Variants in SAXO1 observed in about 807,000 individuals in gnomAD.
SAXO1 encodes the protein stabilizer of axonemal microtubules 1.
A neutral mutation model predicts 17.5 loss-of-function variants in SAXO1; 21 were observed. That is an observed-to-expected ratio of 1.20 (90% CI 0.85 to 1.72). SAXO1 has a LOEUF of 1.72. SAXO1 is among the 40% of genes most tolerant of loss of function. SAXO1 has a pLI of 0.00. For synonymous variants in SAXO1, 274 were observed against 216.5 expected (o/e 1.27, Z -2.33); for missense variants, 843 against 596.0 (o/e 1.41, Z -4.32).
At chr9:18,982,665 A>G (rs930564635) in intron 1 of SAXO1, among the ~76,000 whole-genome samples, 2 of 152,198 alleles carry the variant, frequency 1.3e-5, no homozygotes, top group African/African-American at 4.8e-5. Flanking sequence ...TTAGTTTTTC[A>G]CTCAGATAAC....
chr9:18,947,085 G>A (rs143853913), intron 2 of SAXO1, among the ~76,000 whole-genome samples: 1 of 152,160 alleles, frequency 6.6e-6, no homozygotes, highest in Non-Finnish European at 1.5e-5. Context: ...CAATTCAAAG[G>A]CTCTGAGATT....
chr9:18,982,153 C>G (rs1231051484), intron 1 of SAXO1, among the ~76,000 whole-genome samples: 1 of 152,184 alleles, frequency 6.6e-6, no homozygotes. Flanking sequence ...CCACCCAGCT[C>G]AGCCAAAACC....
chr9:19,033,093 G>T lies in SAXO1; in HGVS notation c.-185C>A. Reference sequence around the variant, plus strand: ...TGTCGTCTGTTGCCCTCCTGGAGCTGGCCTAGCGCGAGGTAGCAGCAGGGG... The same window carrying T: ...TGTCGTCTGTTGCCCTCCTGGAGCTTGCCTAGCGCGAGGTAGCAGCAGGGG... On this transcript the variant is annotated 5_prime_UTR_variant, in exon 1 of 4. Transcript: ENST00000380534. 2 of 566,784 alleles carry T rather than the reference G, an allele frequency of 3.5e-6. No individual in the cohort carries two copies. Among genetic ancestry groups the T allele is most frequent in the East Asian group, 3.2e-5 (1 of 31,130 alleles). 35.1% of individuals were successfully genotyped at this position (566,784 alleles called of 1,614,324 possible).
chr9:18,965,437 T>A (rs1395895100), intron 1 of SAXO1, among the ~76,000 whole-genome samples: 1 of 152,242 alleles, frequency 6.6e-6, no homozygotes, highest in Non-Finnish European at 1.5e-5. Context: ...GGTGCTCCTG[T>A]ATTGGGTGCA....
chr9:19,005,668 T>C (rs536021163), intron 1 of SAXO1, among the ~76,000 whole-genome samples: 1 of 152,216 alleles, frequency 6.6e-6, no homozygotes, highest in East Asian at 1.9e-4. Flanking sequence ...ACTAAAACTA[T>C]ACAAACGCTG....
chr9:18,928,588 GA>G lies in SAXO1; in HGVS notation c.888del (p.Glu298LysfsTer7). 6.2e-7 allele frequency: 1 copy of G among 1,614,134 alleles called. No individual in the cohort carries two copies. The highest frequency in any genetic ancestry group is 2.2e-5 in the East Asian group (1 of 44,876). ...GTCAGAAGATCCATCCTGTCTTCGG[GA>G]GGGACGTAGGTGATGGGAGCTTTGG... ...MFSKAPITYV[P>X]PEDRMDLLTT... is the part of the protein sequence containing the mutation. On this transcript the variant is annotated frameshift_variant, in exon 4 of 4. Transcript: ENST00000380534. LOFTEE classifies it low-confidence loss of function (END_TRUNC).
At chr9:19,027,476 T>C (rs184866193) in intron 1 of SAXO1, 16 of 795,624 alleles carry the variant, frequency 2.0e-5, no homozygotes, top group Non-Finnish European at 3.6e-5. Flanking sequence ...AAGGAGAAGT[T>C]TGAGAACTTG....
At position 19,017,392 on chromosome 9, in the gene SAXO1, G is replaced by A. The variant is rs544947731; in HGVS notation, c.38+15479C>T. On this transcript the variant is annotated intron_variant, in intron 1 of 3. Transcript: ENST00000380534. ...ACCCACAGAATCTAAAATAAAAGAT[G>A]AAAAAATATTTTTTTAAAAAACTGG... is the stretch of plus-strand genomic sequence containing the variant. Among the ~76,000 whole-genome samples, 5 of 152,174 alleles carry A rather than the reference G, an allele frequency of 3.3e-5. No homozygotes were observed. The South Asian group carries it at 1.0e-3, about 32-fold the overall frequency.
chr9:19,042,688 C>G (rs541262086), intron 1 of SAXO1, among the ~76,000 whole-genome samples: 3 of 151,996 alleles, frequency 2.0e-5, no homozygotes, highest in African/African-American at 7.2e-5. Context: ...CATGGAGAAA[C>G]CCCGTCCCTA....
At chr9:19,022,174 C>A (rs868440343) in intron 1 of SAXO1, among the ~76,000 whole-genome samples, 1 of 152,188 alleles carries the variant, frequency 6.6e-6, no homozygotes. Context: ...GGAGGCGCCA[C>A]CTTTAAGAGC....
At chr9:19,012,798 T>A (rs1834805245) in intron 1 of SAXO1, among the ~76,000 whole-genome samples, 1 of 152,248 alleles carries the variant, frequency 6.6e-6, no homozygotes, top group African/African-American at 2.4e-5. Context: ...TGTCTCATTC[T>A]AAATAAATTG....
intron 1 of SAXO1, among the ~76,000 whole-genome samples, chr9:18,966,385 G>C (rs1832717191): frequency 6.6e-6 from 1 of 152,318 alleles, no homozygotes; most frequent in African/African-American, 2.4e-5. Context: ...CCAATCAAAA[G>C]TGGGTTTGGT....
chr9:18,953,302 A>T (rs190519082), intron 1 of SAXO1, among the ~76,000 whole-genome samples: 7 of 152,318 alleles, frequency 4.6e-5, no homozygotes, highest in African/African-American at 1.7e-4. Context: ...AACTACTTTC[A>T]TATAACCCCC....
At chr9:18,960,607 G>A (rs143874361) in intron 1 of SAXO1, among the ~76,000 whole-genome samples, 5 of 151,946 alleles carry the variant, frequency 3.3e-5, no homozygotes, top group African/African-American at 9.7e-5. Flanking sequence ...GTGAAACCCC[G>A]AATCTACAAA....
intron 1 of SAXO1, among the ~76,000 whole-genome samples, chr9:19,030,104 G>C (rs923559783): frequency 6.6e-6 from 1 of 152,164 alleles, no homozygotes; most frequent in Non-Finnish European, 1.5e-5. Context: ...GGTTAACAGG[G>C]AACTTGCAAG....
Position 18,934,052 on chromosome 9 carries a change from T to A in SAXO1, c.422-4997A>T, listed in dbSNP as rs1331370811. 7.0e-5 allele frequency among the ~76,000 whole-genome samples: 8 copies of A among 114,098 alleles called. No individual in the cohort carries two copies. The East Asian group carries it at 1.8e-3, about 26-fold the overall frequency. 74.9% of individuals were successfully genotyped at this position (114,098 alleles called of 152,430 possible). Reference sequence around the variant, plus strand: ...ACAGAGCGAGACTCCGTCTCAAAAATAATAATAATAATAATAATAATGTCA... The same window carrying A: ...ACAGAGCGAGACTCCGTCTCAAAAAAAATAATAATAATAATAATAATGTCA... On this transcript the variant is annotated intron_variant, in intron 3 of 3. Transcript: ENST00000380534.
intron 1 of SAXO1, among the ~76,000 whole-genome samples, chr9:18,993,354 T>C (rs1563967343): frequency 6.6e-6 from 1 of 151,728 alleles, no homozygotes; most frequent in Admixed American, 6.6e-5. Flanking sequence ...ATTAAACAAT[T>C]ACCTCTCACA....
At position 18,950,611 on chromosome 9, in the gene SAXO1, A is replaced by T. The variant is rs1360591210; in HGVS notation, c.218+147T>A. Reference sequence around the variant, plus strand: ...AAATGCAGGATATTCCTTCAGAGATATAGTACATTAAGGCATTAATATCAT... The same window carrying T: ...AAATGCAGGATATTCCTTCAGAGATTTAGTACATTAAGGCATTAATATCAT... On this transcript the variant is annotated intron_variant, in intron 2 of 3. Coordinates refer to ENST00000380534, the MANE Select transcript of SAXO1 (RefSeq NM_153707.4). 1.4e-5 allele frequency: 9 copies of T among 660,052 alleles called. No individual in the cohort carries two copies. The East Asian group carries it at 2.5e-4, about 18-fold the overall frequency. The allele number at this position is 660,052 out of a possible 1,614,324, so 40.9% of individuals were successfully genotyped here.
intron 1 of SAXO1, among the ~76,000 whole-genome samples, chr9:18,971,149 G>A (rs1453183594): frequency 6.6e-6 from 1 of 152,126 alleles, no homozygotes; most frequent in Non-Finnish European, 1.5e-5. Context: ...CCCCGAGTGG[G>A]GCCTTTCTGC....
Sources: gnomAD v4.1 joint callset for allele counts (sites outside exome capture counted in the v4.1 genomes callset) on GRCh38, gnomAD v4.1.1 for gene constraint, MANE v1.5 for transcripts, NCBI Gene and HGNC (gene_info 2026-07-23, HGNC 2026-07-21) for gene names.